Variants in SCN11A observed in about 807,000 individuals in gnomAD.
SCN11A encodes sodium voltage-gated channel alpha subunit 11.
SCN11A carries 122 observed loss-of-function variants against 162.2 expected under a neutral mutation model. The ratio of observed to expected loss-of-function variants is 0.75; its 90% CI spans 0.65 to 0.87. SCN11A has a LOEUF of 0.87. Ranked by LOEUF, SCN11A falls within the 40% of genes least tolerant of loss-of-function variation. The pLI is 0.00. For missense variants in SCN11A, 2,015 were observed against 2,181.6 expected (o/e 0.92, Z 1.52); for synonymous variants, 758 against 751.5 (o/e 1.01, Z -0.14).
At chr3:38,917,355 A>C (rs952312253) in intron 11 of SCN11A, among the ~76,000 whole-genome samples, 2 of 152,254 alleles carry the variant, frequency 1.3e-5, no homozygotes, top group African/African-American at 4.8e-5. Context: ...TCATAAAGAC[A>C]CATGCAAGTG....
At chr3:39,020,234 A>T (rs1241994622) in intron 2 of SCN11A, among the ~76,000 whole-genome samples, 1 of 152,218 alleles carries the variant, frequency 6.6e-6, no homozygotes, top group Admixed American at 6.5e-5. Flanking sequence ...TATTTGGGAA[A>T]ATTTATAGAT....
At chr3:38,854,150 C>T (rs2064829285) in intron 28 of SCN11A, among the ~76,000 whole-genome samples, 1 of 151,680 alleles carries the variant, frequency 6.6e-6, no homozygotes, top group African/African-American at 2.4e-5. Context: ...TATATAAAAT[C>T]CAAATTTCCA....
intron 2 of SCN11A, among the ~76,000 whole-genome samples, chr3:38,973,635 A>T (rs1488648599): frequency 2.6e-5 from 4 of 152,196 alleles, no homozygotes; most frequent in Admixed American, 1.3e-4. Context: ...AGAATATTTA[A>T]AAAGCTCTGA....
chr3:38,855,180 C>T (rs970868899), intron 28 of SCN11A, among the ~76,000 whole-genome samples: 1 of 152,202 alleles, frequency 6.6e-6, no homozygotes, highest in African/African-American at 2.4e-5. Flanking sequence ...GTGCAGTTAG[C>T]ACGGTACTGC....
chr3:38,870,567 C>G (rs1429247650), intron 26 of SCN11A, 124 bp downstream of exon 26: 1 of 742,856 alleles, frequency 1.3e-6, no homozygotes, highest in African/African-American at 1.8e-5. Flanking sequence ...TGTTTTGTTC[C>G]AAAGAAAACA....
rs572046410 is a variant in SCN11A at position 38,974,801 on chromosome 3, G to A, written c.-279-14378C>T. Among the ~76,000 whole-genome samples, 8 of 150,680 alleles carry A rather than the reference G, an allele frequency of 5.3e-5. No homozygotes were observed. In the East Asian group the frequency reaches 5.8e-4, roughly 11 times the overall value. The stretch of plus-strand genomic sequence containing the variant: ...ATAGAAAAAAATAAAAACAATATTC[G>A]AAGTGTATTATAACAATGGAGAAAT... On this transcript the variant is annotated intron_variant, in intron 2 of 29. Coordinates refer to ENST00000302328, the MANE Select transcript of SCN11A (RefSeq NM_001349253.2).
intron 27 of SCN11A, among the ~76,000 whole-genome samples, chr3:38,866,512 G>A (rs1394756353): frequency 2.0e-5 from 3 of 152,180 alleles, no homozygotes; most frequent in Admixed American, 1.3e-4. Flanking sequence ...GAGCCACCAC[G>A]CCCTGCCAGA....
At position 38,847,465 on chromosome 3, in the gene SCN11A, C is replaced by T; in HGVS notation, c.4605G>A (p.Lys1535=). Residue 1535 remains lysine, a synonymous_variant, in exon 30 of 30, where the codon AAG becomes AAA. Coordinates refer to ENST00000302328, the MANE Select transcript of SCN11A (RefSeq NM_001349253.2). ...ESGIDDIFNF[K]TFASSMLCLF... is the part of the protein sequence containing the mutation. ...GACAGAGCATGCTGCTGGCAAAAGT[C>T]TTGAAGTTGAATATGTCATCGATTC... The T allele has an allele frequency of 6.2e-7, 1 of 1,614,180 alleles. No homozygotes were observed. Among genetic ancestry groups the T allele is most frequent in the Non-Finnish European group, 8.5e-7 (1 of 1,180,030 alleles).
chr3:38,880,645 A>AGCCTTAT (rs1317931927), intron 22 of SCN11A, among the ~76,000 whole-genome samples: 1 of 152,116 alleles, frequency 6.6e-6, no homozygotes, highest in African/African-American at 2.4e-5. Flanking sequence ...CATTTACCTT[A>AGCCTTAT]CCATTCCCTA....
intron 2 of SCN11A, among the ~76,000 whole-genome samples, chr3:38,995,205 A>G (rs1042155467): frequency 1.4e-5 from 2 of 147,420 alleles, no homozygotes; most frequent in Non-Finnish European, 3.0e-5. Context: ...ATCTCGGCTC[A>G]CTCCTCCCGG....
At chr3:38,875,472 A>G (rs1397597186) in intron 23 of SCN11A, among the ~76,000 whole-genome samples, 1 of 152,152 alleles carries the variant, frequency 6.6e-6, no homozygotes, top group East Asian at 1.9e-4. Flanking sequence ...AGTCATCCAA[A>G]AAACTCCTAG....
Position 39,013,563 on chromosome 3 carries a change from G to A in SCN11A, c.-280+18817C>T, listed in dbSNP as rs147595982. Among the ~76,000 whole-genome samples the A allele has an allele frequency of 9.1e-4, 138 of 152,292 alleles. 1 individual carries two copies. Among genetic ancestry groups the A allele is most frequent in the African/African-American group, 3.3e-3 (136 of 41,570 alleles). Reference sequence around the variant, plus strand: ...AGCCCCAGGAAGTCACAGGAAGAAAGGGAGAGGCACAAACAAGCACAGGAT... The same window carrying A: ...AGCCCCAGGAAGTCACAGGAAGAAAAGGAGAGGCACAAACAAGCACAGGAT... On this transcript the variant is annotated intron_variant, in intron 2 of 29. Transcript: ENST00000302328.
chr3:38,873,268 T>C (rs2065157570), intron 23 of SCN11A, among the ~76,000 whole-genome samples: 1 of 152,170 alleles, frequency 6.6e-6, no homozygotes, highest in Non-Finnish European at 1.5e-5. Context: ...TTTCAGAGGC[T>C]CAGCTTGGAA....
At chr3:38,888,843 T>G (rs991043913) in intron 19 of SCN11A, among the ~76,000 whole-genome samples, 1 of 152,138 alleles carries the variant, frequency 6.6e-6, no homozygotes, top group Non-Finnish European at 1.5e-5. Context: ...TTATGGAGGC[T>G]CCACTCTAGA....
intron 1 of SCN11A, among the ~76,000 whole-genome samples, chr3:39,037,196 C>T (rs748681342): frequency 5.3e-5 from 8 of 152,004 alleles, no homozygotes; most frequent in Non-Finnish European, 7.4e-5. Context: ...AACTGGAGGA[C>T]GTTATGTTAA....
chr3:39,033,736 G>A (rs1365412749), intron 1 of SCN11A, among the ~76,000 whole-genome samples: 1 of 151,976 alleles, frequency 6.6e-6, no homozygotes, highest in Non-Finnish European at 1.5e-5. Context: ...CCACATCTGT[G>A]GATTCAAGCA....
At chr3:38,877,907 G>C (rs897011463) in intron 23 of SCN11A, among the ~76,000 whole-genome samples, 5 of 151,294 alleles carry the variant, frequency 3.3e-5, no homozygotes, top group African/African-American at 7.3e-5. Flanking sequence ...ATTATTCTAA[G>C]TGAAGTAACT....
chr3:38,907,895 AC>A (rs2065824722), intron 14 of SCN11A, 53 bp downstream of exon 14: 1 of 1,432,846 alleles, frequency 7.0e-7, no homozygotes, highest in Non-Finnish European at 9.5e-7. Context: ...TGGCAATTGG[AC>A]CTGTCCCCCT....
At chr3:39,022,307 A>T (rs1256154328) in intron 2 of SCN11A, among the ~76,000 whole-genome samples, 1 of 152,102 alleles carries the variant, frequency 6.6e-6, no homozygotes, top group Non-Finnish European at 1.5e-5. Flanking sequence ...ATAAATATGT[A>T]TATTTGGCCA....
Sources: gnomAD v4.1 joint callset for allele counts (sites outside exome capture counted in the v4.1 genomes callset) on GRCh38, gnomAD v4.1.1 for gene constraint, MANE v1.5 for transcripts, NCBI Gene and HGNC (gene_info 2026-07-23, HGNC 2026-07-21) for gene names.